The following USP42 variants were observed in gnomAD, a reference collection of about 807,000 sequenced individuals.
USP42 encodes the protein ubiquitin carboxyl-terminal hydrolase 42.
In USP42, 23 loss-of-function variants were observed where a neutral mutation model predicts 113.0. That is an observed-to-expected ratio of 0.20 (90% CI 0.15 to 0.29). The LOEUF (loss-of-function observed/expected upper bound fraction) is 0.29, where lower values mean the gene tolerates loss of function less well. USP42 is among the 10% of genes least tolerant of loss of function. The probability of loss-of-function intolerance (pLI) is 1.00; values close to 1 mark genes in which losing one functional copy is unlikely to be tolerated. For synonymous variants in USP42, 933 were observed against 699.0 expected (o/e 1.33, Z -5.28); for missense variants, 2,174 against 1,779.8 (o/e 1.22, Z -3.99).
At chr7:6,132,923 G>T (rs1012336181) in intron 3 of USP42, among the ~76,000 whole-genome samples, 1 of 151,872 alleles carries the variant, frequency 6.6e-6, no homozygotes, top group Non-Finnish European at 1.5e-5. Flanking sequence ...TGCCCATCTT[G>T]GTCTCCCAAA....
At chr7:6,134,075 T>A (rs910748895) in intron 3 of USP42, among the ~76,000 whole-genome samples, 5 of 151,964 alleles carry the variant, frequency 3.3e-5, no homozygotes, top group Non-Finnish European at 7.4e-5. Context: ...GTATCTTTAG[T>A]AGAGACGGGG....
At chr7:6,138,781 T>C (rs533860964) in intron 4 of USP42, among the ~76,000 whole-genome samples, 1 of 152,334 alleles carries the variant, frequency 6.6e-6, no homozygotes, top group Non-Finnish European at 1.5e-5. Flanking sequence ...CCAGGTTCCA[T>C]GCTCCTTAGG....
upstream of USP42, among the ~76,000 whole-genome samples, chr7:6,103,481 C>A (rs1162335688): frequency 6.7e-6 from 1 of 148,858 alleles, no homozygotes; most frequent in Non-Finnish European, 1.5e-5. Context: ...GACACCATTG[C>A]ACTCCAGCCT....
chr7:6,138,585 G>T (rs1781277059), intron 4 of USP42, among the ~76,000 whole-genome samples: 1 of 152,188 alleles, frequency 6.6e-6, no homozygotes, highest in Non-Finnish European at 1.5e-5. Context: ...ATGGTGTAAA[G>T]CAGGGGTCCC....
At chr7:6,146,583 G>A (rs1449476794) in intron 11 of USP42, among the ~76,000 whole-genome samples, 4 of 152,086 alleles carry the variant, frequency 2.6e-5, no homozygotes, top group Non-Finnish European at 5.9e-5. Flanking sequence ...AGGATTACCT[G>A]AGCCTGGGGA....
chr7:6,148,843 C>T (rs533849236), intron 12 of USP42, among the ~76,000 whole-genome samples: 5 of 152,210 alleles, frequency 3.3e-5, no homozygotes, highest in African/African-American at 1.2e-4. Flanking sequence ...CTTTTGGGCT[C>T]TGCTCCAGAG....
At chr7:6,147,541 T>G (rs556771870) in intron 11 of USP42, among the ~76,000 whole-genome samples, 198 bp from the exon 12 acceptor site, 7 of 152,364 alleles carry the variant, frequency 4.6e-5, no homozygotes, top group Non-Finnish European at 2.9e-5. Flanking sequence ...TACCCAGTTA[T>G]CCTTGTTGTC....
chr7:6,126,462 AT>A (rs1428082765), intron 3 of USP42, among the ~76,000 whole-genome samples: 1 of 151,580 alleles, frequency 6.6e-6, no homozygotes, highest in East Asian at 1.9e-4. Flanking sequence ...TTTTTTTTGT[AT>A]TTTTAGTAGA....
rs1779587042 is a variant in USP42, at chr7:6,111,363, A to G, written c.230A>G (p.Gln77Arg). The change falls in exon 2 of 18, where the codon CAA becomes CGA. Residue 77 changes from glutamine to arginine, a missense_variant. By Grantham distance (43) the Gln-to-Arg change is conservative. Coordinates refer to ENST00000306177, the MANE Select transcript of USP42 (RefSeq NM_032172.3). ...CCTGATAAATCAAAACCATCACCAC[A>G]AAAGGATCAAGGTACTGTTTTTCAA... ...SVPDKSKPSP[Q>R]KDQALGDGIA... 2 of 1,611,612 alleles carry G rather than the reference A, an allele frequency of 1.2e-6. No individual in the cohort carries two copies. The highest frequency in any genetic ancestry group is 2.7e-5 in the African/African-American group (2 of 74,906).
chr7:6,114,519 A>C (rs1195883947), intron 2 of USP42, among the ~76,000 whole-genome samples: 1 of 151,456 alleles, frequency 6.6e-6, no homozygotes, highest in Admixed American at 6.6e-5. Flanking sequence ...ATACATCTAA[A>C]GAGTTTTTTC....
chr7:6,149,667 A>G lies in USP42; in HGVS notation c.1471A>G (p.Asn491Asp), dbSNP rs1330676754. The G allele has an allele frequency of 6.2e-7, 1 of 1,613,872 alleles. No homozygotes were observed. Among genetic ancestry groups the G allele is most frequent in the African/African-American group, 1.3e-5 (1 of 74,924 alleles). Residue 491 changes from asparagine (N) to aspartate (D), a missense_variant, in exon 13 of 18, where the codon AAC becomes GAC. By Grantham distance (23) the Asn-to-Asp change is conservative. Coordinates refer to ENST00000306177, the MANE Select transcript of USP42 (RefSeq NM_032172.3). The stretch of plus-strand genomic sequence containing the variant: ...GAGTCCTAACGGGAATTCCAGTGTC[A>G]ACAGGGCTAGTCCTGTTAATGCTTC... ...MSSPNGNSSVNRASPVNASAS... is the reference protein window; with the variant it reads ...MSSPNGNSSVDRASPVNASAS...
rs887751986 is a variant in USP42, at chr7:6,125,157, G to A, written c.442+9634G>A. On this transcript the variant is annotated intron_variant, in intron 3 of 17. Transcript: ENST00000306177. ...GATTGCACCACTGCACTCCAGCCTG[G>A]GCAACAGAGCGAGACTCTGTCTCAA... Among the ~76,000 whole-genome samples, 5 of 147,606 alleles carry A rather than the reference G, an allele frequency of 3.4e-5. No individual in the cohort carries two copies. The East Asian group carries it at 9.8e-4, about 29-fold the overall frequency.
chr7:6,103,738 C>CCA (rs1260125595), upstream of USP42, among the ~76,000 whole-genome samples: 1 of 100,916 alleles, frequency 9.9e-6, no homozygotes, highest in Non-Finnish European at 1.8e-5. Flanking sequence ...CCCGTCTCTA[C>CCA]AAAAAAAAAA....
In USP42 at chr7:6,153,866, G is replaced by C; in HGVS notation, c.2312G>C (p.Ser771Thr). ...EEPDAAAGLS[S>T]TKKAPPPRDP... ...CCAGATGCGGCCGCCGGCCTCAGCA[G>C]CACCAAGAAGGCTCCGCCGCCCCGC... Residue 771 changes from serine (S) to threonine (T), a missense_variant, in exon 15 of 18, where the codon AGC becomes ACC. Ser to Thr is a moderately conservative substitution (Grantham distance 58). Transcript: ENST00000306177. 1 of 1,557,510 alleles carries C rather than the reference G, an allele frequency of 6.4e-7. No individual in the cohort carries two copies. The highest frequency in any genetic ancestry group is 8.7e-7 in the Non-Finnish European group (1 of 1,152,410).
chr7:6,153,789 C>A lies in USP42; in HGVS notation c.2235C>A (p.Asp745Glu). 1 of 1,501,464 alleles carries A rather than the reference C, an allele frequency of 6.7e-7. No individual in the cohort carries two copies. Among genetic ancestry groups the A allele is most frequent in the Non-Finnish European group, 8.9e-7 (1 of 1,124,090 alleles). The allele number at this position is 1,501,464 out of a possible 1,614,324, so 93.0% of individuals were successfully genotyped here. ...GAGCAGAGAGGGGCCCTCCCGAGGACCGCGACGCCGAGCCTCAGCCTGGCA... is the reference window on the plus strand; with the variant it reads ...GAGCAGAGAGGGGCCCTCCCGAGGAACGCGACGCCGAGCCTCAGCCTGGCA... ...APGAERGPPE[D>E]RDAEPQPGSP... Residue 745 changes from aspartate (D) to glutamate (E), a missense_variant, in exon 15 of 18, where the codon GAC becomes GAA. Physicochemically the swap from Asp to Glu is conservative, Grantham distance 45. Transcript: ENST00000306177.
chr7:6,142,174 A>G (rs1440996911), intron 7 of USP42, among the ~76,000 whole-genome samples: 8 of 151,846 alleles, frequency 5.3e-5, no homozygotes, highest in Non-Finnish European at 1.2e-4. Context: ...ATGTAGATTT[A>G]TAAAAGTGAA....
At chr7:6,136,062 T>G (rs1781129179) in intron 4 of USP42, 111 bp downstream of exon 4, 1 of 665,558 alleles carries the variant, frequency 1.5e-6, no homozygotes, top group Non-Finnish European at 2.4e-6. Context: ...TGGAATGTAG[T>G]GGCGCTATTT....
At chr7:6,085,668 G>A in the USP42 span, among the ~76,000 whole-genome samples, 1 of 148,596 alleles carries the variant, frequency 6.7e-6, no homozygotes, top group African/African-American at 2.6e-5. Context: ...AGGCTGGAGT[G>A]CAGTGGCATA....
chr7:6,122,504 T>C (rs1780284928), intron 3 of USP42, among the ~76,000 whole-genome samples: 1 of 152,036 alleles, frequency 6.6e-6, no homozygotes, highest in Admixed American at 6.6e-5. Context: ...AGAGTCTTGC[T>C]CTGTTGCCAC....
Sources: gnomAD v4.1 joint callset for allele counts (sites outside exome capture counted in the v4.1 genomes callset) on GRCh38, gnomAD v4.1.1 for gene constraint, MANE v1.5 for transcripts, NCBI Gene and HGNC (gene_info 2026-07-23, HGNC 2026-07-21) for gene names.